The following COL22A1 variants were observed in gnomAD, a reference collection of about 807,000 sequenced individuals.
The protein encoded by COL22A1 is collagen alpha-1(XXII) chain.
In COL22A1, 221 loss-of-function variants were observed where a neutral mutation model predicts 248.9. That is an observed-to-expected ratio of 0.89 (90% CI 0.80 to 0.99). COL22A1 has a LOEUF of 0.99. Ranked by LOEUF, COL22A1 falls within the 50% of genes least tolerant of loss-of-function variation. The pLI, the probability that COL22A1 is intolerant of heterozygous loss-of-function variation, is 0.00. For missense variants in COL22A1, 2,240 were observed against 2,179.0 expected (o/e 1.03, Z -0.56); for synonymous variants, 891 against 793.4 (o/e 1.12, Z -2.07).
intron 63 of COL22A1, 100 bp downstream of exon 63, chr8:138,593,917 A>C (rs1268587477): frequency 1.1e-6 from 1 of 896,418 alleles, no homozygotes; most frequent in East Asian, 3.0e-5. Flanking sequence ...ACAGGGAATG[A>C]GAGTGGCATG....
chr8:138,692,611 G>T (rs1399905540), intron 35 of COL22A1, among the ~76,000 whole-genome samples: 1 of 152,004 alleles, frequency 6.6e-6, no homozygotes, highest in African/African-American at 2.4e-5. Context: ...CATTCCAGGT[G>T]GGTCAACTCT....
At chr8:138,719,048 T>C (rs1829663358) in intron 27 of COL22A1, among the ~76,000 whole-genome samples, 1 of 152,162 alleles carries the variant, frequency 6.6e-6, no homozygotes, top group South Asian at 2.1e-4. Flanking sequence ...AATTCACAAA[T>C]TTGAGGAAAC....
At chr8:138,696,317 G>T (rs970919741) in intron 32 of COL22A1, among the ~76,000 whole-genome samples, 1 of 152,184 alleles carries the variant, frequency 6.6e-6, no homozygotes, top group African/African-American at 2.4e-5. Flanking sequence ...GCTGGGATGA[G>T]CATCTGCCTT....
chr8:138,717,042 T>C lies in COL22A1; in HGVS notation c.2356-173A>G, dbSNP rs10091957. ...CATGGGCTCTGAAGACCAAAGTGTT[T>C]AGCATTTTTGCAGAGCAGAATCCAC... On this transcript the variant is annotated intron_variant, in intron 27 of 64. Coordinates refer to ENST00000303045, the MANE Select transcript of COL22A1 (RefSeq NM_152888.3). Among the ~76,000 whole-genome samples the C allele has an allele frequency of 5.9e-3, 892 of 152,348 alleles. 7 individuals carry two copies. Among genetic ancestry groups the C allele is most frequent in the African/African-American group, 0.021 (855 of 41,584 alleles).
chr8:138,638,267 G>C lies in COL22A1; in HGVS notation c.3502-1472C>G, dbSNP rs1280028520. ...CAAAAACATTTCAATTCCTTTAAAA[G>C]AATGCATTATGCACTAAATAGGTTT... On this transcript the variant is annotated intron_variant, in intron 47 of 64. Transcript: ENST00000303045. Among the ~76,000 whole-genome samples, 3 of 152,150 alleles carry C rather than the reference G, an allele frequency of 2.0e-5. No homozygotes were observed. The East Asian group carries it at 5.8e-4, about 29-fold the overall frequency.
chr8:138,807,898 G>A (rs1237214956), intron 9 of COL22A1, 86 bp from the exon 10 acceptor site: 11 of 1,377,388 alleles, frequency 8.0e-6, no homozygotes, highest in African/African-American at 2.9e-5. Flanking sequence ...ACCCCCACAT[G>A]CTTAGAAGCC....
chr8:138,808,735 C>T (rs1679951048), intron 9 of COL22A1, among the ~76,000 whole-genome samples: 1 of 152,258 alleles, frequency 6.6e-6, no homozygotes, highest in South Asian at 2.1e-4. Flanking sequence ...GCAATCTACA[C>T]TCTGGTCACA....
In COL22A1 at chr8:138,679,689, A is replaced by T. The variant is rs370901652; in HGVS notation, c.3013-13T>A. On this transcript the variant is annotated splice_polypyrimidine_tract_variant and intron_variant, in intron 39 of 64. Coordinates refer to ENST00000303045, the MANE Select transcript of COL22A1 (RefSeq NM_152888.3). ...TTCCGCAAGCAGCCTGAAAGTAGAA[A>T]ATCTTCACTCATTTCTTCACCAAAC... 1.2e-6 allele frequency: 2 copies of T among 1,612,824 alleles called. No individual in the cohort carries two copies. The highest frequency in any genetic ancestry group is 1.7e-6 in the Non-Finnish European group (2 of 1,179,036).
At chr8:138,791,621 G>C (rs1176237657) in intron 12 of COL22A1, among the ~76,000 whole-genome samples, 2 of 152,132 alleles carry the variant, frequency 1.3e-5, no homozygotes, top group East Asian at 3.9e-4. Context: ...CCAATGCCGT[G>C]ACTTCAGAAC....
At chr8:138,713,119 A>G (rs1829139815) in intron 30 of COL22A1, among the ~76,000 whole-genome samples, 1 of 152,180 alleles carries the variant, frequency 6.6e-6, no homozygotes, top group Admixed American at 6.5e-5. Context: ...CCTGGGCAGA[A>G]AACATAGTGG....
chr8:138,898,836 C>T (rs1206530308), intron 1 of COL22A1, among the ~76,000 whole-genome samples: 2 of 152,152 alleles, frequency 1.3e-5, no homozygotes, highest in African/African-American at 4.8e-5. Context: ...GCCTGGAGCA[C>T]AGCAACAACA....
chr8:138,607,841 T>G (rs1818546315), intron 57 of COL22A1, 95 bp downstream of exon 57: 3 of 1,242,848 alleles, frequency 2.4e-6, no homozygotes. Context: ...CCACCGATGC[T>G]TCTAGGGACA....
In COL22A1 at chr8:138,877,907, G is replaced by A. The variant is rs370694604; in HGVS notation, c.501C>T (p.Arg167=). 6.2e-7 allele frequency: 1 copy of A among 1,609,880 alleles called. No homozygotes were observed. Among genetic ancestry groups the A allele is most frequent in the Non-Finnish European group, 8.5e-7 (1 of 1,178,404 alleles). ...LVLDAAAAAH[R]AGIRIFAVGV... ...CCACGGCAAAGATGCGGATGCCAGC[G>A]CGGTGGGCTGCCGCCGCGGCGTCCA... Residue 167 remains arginine (R), a synonymous_variant, in exon 3 of 65, where the codon CGC becomes CGT. Transcript: ENST00000303045.
At chr8:138,822,617 T>G (rs1478350384) in intron 6 of COL22A1, among the ~76,000 whole-genome samples, 1 of 152,204 alleles carries the variant, frequency 6.6e-6, no homozygotes, top group African/African-American at 2.4e-5. Flanking sequence ...TGCCCTTCCC[T>G]GGGGCTCCCT....
chr8:138,692,114 G>A (rs1156242385), intron 35 of COL22A1, among the ~76,000 whole-genome samples: 16 of 71,178 alleles, frequency 2.2e-4, no homozygotes, highest in Non-Finnish European at 3.7e-4. Context: ...TTGTGGAGGT[G>A]TGTGTATGTG....
rs1818056788 is a variant in COL22A1 at position 138,601,999 on chromosome 8, C to T, written c.4185+116G>A. 9 of 1,026,676 alleles carry T rather than the reference C, an allele frequency of 8.8e-6. No individual in the cohort carries two copies. In the South Asian group the frequency reaches 1.2e-4, roughly 14 times the overall value. 63.6% of individuals were successfully genotyped at this position (1,026,676 alleles called of 1,614,324 possible). On this transcript the variant is annotated intron_variant, in intron 60 of 64. Transcript: ENST00000303045. The stretch of plus-strand genomic sequence containing the variant: ...AAGTGAACAAAATCACTACAGGCGG[C>T]ATGATCCAGGCGGGTGTTTACTAAC...
chr8:138,686,537 G>A (rs565895262), intron 37 of COL22A1, among the ~76,000 whole-genome samples: 73 of 152,362 alleles, frequency 4.8e-4, no homozygotes, highest in Admixed American at 9.1e-4. Context: ...TCCCCTAGCC[G>A]CAGGCCAGCC....
chr8:138,776,384 AC>A (rs1211764438), intron 15 of COL22A1, among the ~76,000 whole-genome samples: 1 of 152,084 alleles, frequency 6.6e-6, no homozygotes, highest in Non-Finnish European at 1.5e-5. Flanking sequence ...ATACCCCATG[AC>A]CATGGTGCCC....
chr8:138,616,168 A>G (rs1252745035), intron 54 of COL22A1, 114 bp from the exon 55 acceptor site: 2 of 860,024 alleles, frequency 2.3e-6, no homozygotes, highest in Non-Finnish European at 3.9e-6. Flanking sequence ...GGCCCTGTCA[A>G]CTTCCATACG....
Sources: allele counts gnomAD v4.1 joint callset (sites outside exome capture counted in the v4.1 genomes callset), GRCh38; gene constraint gnomAD v4.1.1; transcripts MANE v1.5; gene names NCBI Gene and HGNC (gene_info 2026-07-23, HGNC 2026-07-21).